The following TOX variants were observed in gnomAD, a reference collection of about 807,000 sequenced individuals.
TOX encodes thymocyte selection associated high mobility group box, also known as thymocyte selection-associated high mobility group box protein TOX.
In TOX, 11 loss-of-function variants were observed where a neutral mutation model predicts 53.7. That is an observed-to-expected ratio of 0.20 (90% CI 0.13 to 0.34). The LOEUF (loss-of-function observed/expected upper bound fraction) is 0.34, where lower values mean the gene tolerates loss of function less well. Among genes scored for constraint, TOX ranks in the 10% least tolerant of loss-of-function variants. The pLI is 1.00. For synonymous variants in TOX, 225 were observed against 245.3 expected (o/e 0.92, Z 0.77); for missense variants, 570 against 664.6 (o/e 0.86, Z 1.56).
chr8:58,956,210 A>ATAT (rs1812705121), intron 2 of TOX, among the ~76,000 whole-genome samples: 1 of 152,206 alleles, frequency 6.6e-6, no homozygotes, highest in African/African-American at 2.4e-5. Context: ...TTATATCTTA[A>ATAT]CAACAGCCTC....
chr8:59,106,894 G>A (rs1245554098), intron 1 of TOX, among the ~76,000 whole-genome samples: 1 of 152,092 alleles, frequency 6.6e-6, no homozygotes, highest in Non-Finnish European at 1.5e-5. Context: ...AAATGAAAAT[G>A]TGTCAAAAAG....
chr8:58,984,967 G>C (rs1286984473), intron 1 of TOX, among the ~76,000 whole-genome samples: 1 of 150,860 alleles, frequency 6.6e-6, no homozygotes, highest in Non-Finnish European at 1.5e-5. Flanking sequence ...TAACCTCTGG[G>C]TATATAATCA....
At chr8:58,914,392 G>A (rs1465145721) in intron 3 of TOX, among the ~76,000 whole-genome samples, 1 of 152,182 alleles carries the variant, frequency 6.6e-6, no homozygotes, top group Non-Finnish European at 1.5e-5. Context: ...TTTGCAGTAT[G>A]CTTTTAAGAG....
rs778134318 is a variant in TOX at position 58,960,002 on chromosome 8, C to T, written c.109G>A (p.Gly37Ser). 2 of 1,614,120 alleles carry T rather than the reference C, an allele frequency of 1.2e-6. No homozygotes were observed. Among genetic ancestry groups the T allele is most frequent in the South Asian group, 1.1e-5 (1 of 91,072 alleles). ...GTCATGCTCATATACATGTTCTCACCGTCAAACTGCGAATGAAATAATAGT... is the reference window on the plus strand; with the variant it reads ...GTCATGCTCATATACATGTTCTCACTGTCAAACTGCGAATGAAATAATAGT... ...LDPYYCNKFD[G>S]ENMYMSMTEP... The change falls in exon 2 of 9, where the codon GGT becomes AGT. Residue 37 changes from glycine to serine, a missense_variant. Gly to Ser is a moderately conservative substitution (Grantham distance 56, BLOSUM62 0). Transcript: ENST00000361421.
intron 4 of TOX, among the ~76,000 whole-genome samples, chr8:58,839,339 T>C (rs1233603272): frequency 2.0e-5 from 3 of 152,218 alleles, no homozygotes; most frequent in African/African-American, 4.8e-5. Context: ...ATGGCTACCA[T>C]ATCGGAGAGT....
At chr8:58,996,067 A>G (rs769585632) in intron 1 of TOX, among the ~76,000 whole-genome samples, 10 of 152,228 alleles carry the variant, frequency 6.6e-5, no homozygotes, top group Non-Finnish European at 1.3e-4. Context: ...TGTAATTTTT[A>G]TAGCAGTTTT....
intron 3 of TOX, among the ~76,000 whole-genome samples, chr8:58,881,089 C>A (rs557767059): frequency 6.6e-6 from 1 of 152,044 alleles, no homozygotes; most frequent in African/African-American, 2.4e-5. Flanking sequence ...CGGGATTGAG[C>A]TATAAAGATT....
intron 3 of TOX, among the ~76,000 whole-genome samples, chr8:58,881,883 G>A (rs1214873628): frequency 6.6e-6 from 1 of 152,180 alleles, no homozygotes. Flanking sequence ...CTGTAAGATG[G>A]ATAGGGAAGG....
chr8:58,850,749 A>G (rs1417652782), intron 4 of TOX, among the ~76,000 whole-genome samples: 1 of 152,234 alleles, frequency 6.6e-6, no homozygotes, highest in African/African-American at 2.4e-5. Flanking sequence ...CTTTGTCATC[A>G]GGCTAAATAA....
chr8:59,059,207 G>T (rs948166943), intron 1 of TOX, among the ~76,000 whole-genome samples: 2 of 152,050 alleles, frequency 1.3e-5, no homozygotes, highest in African/African-American at 4.8e-5. Flanking sequence ...AATATAAAAA[G>T]AATTTCAAAA....
chr8:58,999,147 A>C lies in TOX; in HGVS notation c.103-39139T>G, dbSNP rs569556937. ...TTTCGCACTTCTTCTTAGTAGCCAG[A>C]CTAGTGCAAAGGAAGAAACAAAATA... On this transcript the variant is annotated intron_variant, in intron 1 of 8. Coordinates refer to ENST00000361421, the MANE Select transcript of TOX (RefSeq NM_014729.3). Among the ~76,000 whole-genome samples the C allele has an allele frequency of 2.6e-5, 4 of 152,344 alleles. No individual in the cohort carries two copies. The East Asian group carries it at 7.7e-4, about 29-fold the overall frequency.
intron 1 of TOX, among the ~76,000 whole-genome samples, chr8:59,040,052 G>A (rs1176935391): frequency 3.9e-5 from 6 of 152,162 alleles, no homozygotes; most frequent in African/African-American, 7.2e-5. Context: ...AGCATCGGCC[G>A]GGCGCGGCGG....
At chr8:59,028,459 T>C (rs577055538) in intron 1 of TOX, among the ~76,000 whole-genome samples, 19 of 152,168 alleles carry the variant, frequency 1.2e-4, no homozygotes, top group Non-Finnish European at 2.2e-4. Flanking sequence ...ATTCATAATA[T>C]ATGCTTCAGG....
At chr8:59,072,418 T>A (rs1586002190) in intron 1 of TOX, among the ~76,000 whole-genome samples, 1 of 152,212 alleles carries the variant, frequency 6.6e-6, no homozygotes, top group South Asian at 2.1e-4. Context: ...GATATCATCA[T>A]AACCAAAAGA....
At chr8:59,035,206 A>G (rs1251921187) in intron 1 of TOX, among the ~76,000 whole-genome samples, 1 of 152,212 alleles carries the variant, frequency 6.6e-6, no homozygotes, top group East Asian at 1.9e-4. Context: ...ATACTAAATT[A>G]CTATCCATAA....
intron 1 of TOX, among the ~76,000 whole-genome samples, chr8:59,069,404 T>C (rs1284607733): frequency 6.6e-6 from 1 of 152,154 alleles, no homozygotes; most frequent in Non-Finnish European, 1.5e-5. Context: ...TTGATCTTGA[T>C]TTAAGATGCA....
At chr8:58,985,413 C>T (rs982643477) in intron 1 of TOX, among the ~76,000 whole-genome samples, 1 of 152,110 alleles carries the variant, frequency 6.6e-6, no homozygotes, top group Admixed American at 6.6e-5. Context: ...AAGACAAATA[C>T]TGTATGATTC....
chr8:59,008,658 C>T (rs897211113), intron 1 of TOX, among the ~76,000 whole-genome samples: 2 of 152,202 alleles, frequency 1.3e-5, no homozygotes, highest in African/African-American at 4.8e-5. Flanking sequence ...ATACGTCCTG[C>T]AGGGTTCAAT....
chr8:58,976,399 C>T (rs71521439), intron 1 of TOX, among the ~76,000 whole-genome samples: 10,164 of 152,256 alleles, frequency 0.067, 413 homozygotes, highest in East Asian at 0.21. Context: ...TGTTTAGGCT[C>T]TACTTCTAAT....
Sources: gnomAD v4.1 joint callset for allele counts (sites outside exome capture counted in the v4.1 genomes callset) on GRCh38, gnomAD v4.1.1 for gene constraint, MANE v1.5 for transcripts, NCBI Gene and HGNC (gene_info 2026-07-23, HGNC 2026-07-21) for gene names.